Variants in CLEC16A observed in about 807,000 individuals in gnomAD.
CLEC16A encodes protein CLEC16A.
In CLEC16A, 51 loss-of-function variants were observed where a neutral mutation model predicts 109.5. That is an observed-to-expected ratio of 0.47 (90% CI 0.37 to 0.59). The LOEUF (loss-of-function observed/expected upper bound fraction) is 0.59. CLEC16A is among the 20% of genes least tolerant of loss of function. The pLI is 0.00. For synonymous variants in CLEC16A, 673 were observed against 564.2 expected (o/e 1.19, Z -2.73); for missense variants, 1,339 against 1,394.0 (o/e 0.96, Z 0.63).
chr16:11,044,128 T>A (rs1281418041), intron 16 of CLEC16A, 56 bp downstream of exon 16: 35 of 1,465,828 alleles, frequency 2.4e-5, no homozygotes, highest in Non-Finnish European at 2.9e-5. Context: ...GAAACAGAAG[T>A]GTGGTGTCTG....
chr16:11,016,992 T>C (rs1468676423), intron 11 of CLEC16A, among the ~76,000 whole-genome samples: 2 of 40,502 alleles, frequency 4.9e-5, no homozygotes, highest in Non-Finnish European at 4.5e-5. Context: ...CCCATGTGAA[T>C]ATCGGGGCGG....
At chr16:11,112,579 C>CG (rs923520893) in intron 19 of CLEC16A, among the ~76,000 whole-genome samples, 1 of 151,582 alleles carries the variant, frequency 6.6e-6, no homozygotes, top group African/African-American at 2.4e-5. Context: ...GCAGGAGGAT[C>CG]GCTTGGGTGC....
intron 13 of CLEC16A, chr16:11,036,080 A>C (rs1007167154): frequency 6.5e-6 from 1 of 152,680 alleles, no homozygotes; most frequent in South Asian, 2.1e-4. Flanking sequence ...CATGGACTGC[A>C]TGGCACTAGC....
At chr16:10,966,759 A>G (rs1190560661) in intron 3 of CLEC16A, among the ~76,000 whole-genome samples, 1 of 152,174 alleles carries the variant, frequency 6.6e-6, no homozygotes, top group African/African-American at 2.4e-5. Flanking sequence ...GTGAGAACTC[A>G]CTATCACGAG....
chr16:10,976,597 T>TG (rs1182025852), intron 7 of CLEC16A, among the ~76,000 whole-genome samples: 2 of 152,226 alleles, frequency 1.3e-5, no homozygotes, highest in African/African-American at 2.4e-5. Flanking sequence ...ACAAACAAAA[T>TG]GCCTAGCTAG....
At chr16:10,967,867 T>G (rs1201388762) in intron 3 of CLEC16A, among the ~76,000 whole-genome samples, 2 of 152,140 alleles carry the variant, frequency 1.3e-5, no homozygotes, top group African/African-American at 4.8e-5. Context: ...TCCCAAACAC[T>G]AGCACGCATG....
intron 2 of CLEC16A, among the ~76,000 whole-genome samples, chr16:10,958,572 G>A (rs905328736): frequency 6.6e-6 from 1 of 152,118 alleles, no homozygotes. Context: ...ATAAATGATA[G>A]CAAATGATAA....
intron 23 of CLEC16A, among the ~76,000 whole-genome samples, chr16:11,167,949 T>C (rs765696681): frequency 6.6e-6 from 1 of 152,086 alleles, no homozygotes; most frequent in African/African-American, 2.4e-5. Flanking sequence ...GCATGCAGGG[T>C]TGTGTGTTCA....
At chr16:11,067,910 T>C (rs1829905873) in intron 19 of CLEC16A, among the ~76,000 whole-genome samples, 5 of 152,322 alleles carry the variant, frequency 3.3e-5, no homozygotes, top group Admixed American at 6.5e-5. Flanking sequence ...ATCCGGCGTG[T>C]TCTCCAAACC....
At chr16:11,009,398 AC>A (rs1434449433) in intron 11 of CLEC16A, among the ~76,000 whole-genome samples, 1 of 152,178 alleles carries the variant, frequency 6.6e-6, no homozygotes, top group African/African-American at 2.4e-5. Context: ...GCCGCTATAA[AC>A]ATGGGTATAC....
At chr16:11,011,168 C>T (rs1354112122) in intron 11 of CLEC16A, among the ~76,000 whole-genome samples, 1 of 152,234 alleles carries the variant, frequency 6.6e-6, no homozygotes, top group Non-Finnish European at 1.5e-5. Context: ...TATTCAGCCC[C>T]TTGTTAAAAT....
rs2068670000 is a variant in CLEC16A at position 11,174,605 on chromosome 16, A to G, written c.2807-3730A>G. On this transcript the variant is annotated intron_variant, in intron 23 of 23. Transcript: ENST00000409790. This position sits in a 1 kb window ranked among gnomAD's most constrained non-coding sequence, Gnocchi z 4.7. ...ACCAGTGTCAGGCTCGGCCCGGGCC[A>G]GAAGCAGATGCTCCTGCCAAGTCCC... Among the ~76,000 whole-genome samples, 1 of 152,256 alleles carries G rather than the reference A, an allele frequency of 6.6e-6. No individual in the cohort carries two copies. Among genetic ancestry groups the G allele is most frequent in the African/African-American group, 2.4e-5 (1 of 41,466 alleles).
chr16:10,991,609 C>A (rs1438229373), intron 10 of CLEC16A, among the ~76,000 whole-genome samples: 1 of 152,102 alleles, frequency 6.6e-6, no homozygotes. Context: ...TCAGGAGTTG[C>A]TGTGGAAGGA....
At chr16:11,077,642 A>G (rs940457798) in intron 19 of CLEC16A, among the ~76,000 whole-genome samples, 9 of 152,054 alleles carry the variant, frequency 5.9e-5, no homozygotes, top group Admixed American at 5.9e-4. Flanking sequence ...CTAGGGGACA[A>G]CGTGAGACCC....
chr16:10,944,604 T>TCCTCCACCG lies in CLEC16A; in HGVS notation c.-108_-100dup. On this transcript the variant is annotated 5_prime_UTR_variant, in exon 1 of 24. Transcript: ENST00000409790. ...GCCGGGGAGGAAGGCGGCTCGCGGT[T>TCCTCCACCG]CCTCCACCGCCTCCGCCGCCGCATC... The TCCTCCACCG allele has an allele frequency of 9.7e-7, 1 of 1,026,946 alleles. No individual in the cohort carries two copies. The highest frequency in any genetic ancestry group is 2.2e-5 in the Admixed American group (1 of 44,534). 63.6% of individuals were successfully genotyped at this position (1,026,946 alleles called of 1,614,324 possible). A position where few individuals can be genotyped will look rare whatever the true frequency, so the allele number is the denominator to read the frequency against.
At chr16:10,956,197 C>A (rs992622645) in intron 1 of CLEC16A, among the ~76,000 whole-genome samples, 2 of 152,222 alleles carry the variant, frequency 1.3e-5, no homozygotes, top group African/African-American at 4.8e-5. Context: ...CTTCTAATTA[C>A]TGCATATTAA....
intron 10 of CLEC16A, among the ~76,000 whole-genome samples, chr16:10,989,388 CTT>C (rs35334655): frequency 3.0e-4 from 46 of 151,926 alleles, no homozygotes; most frequent in African/African-American, 9.9e-4. Context: ...GCCCAGATAA[CTT>C]TTGTTTTTTT....
intron 19 of CLEC16A, among the ~76,000 whole-genome samples, chr16:11,068,888 C>T (rs904542288): frequency 1.3e-5 from 2 of 152,136 alleles, no homozygotes; most frequent in African/African-American, 2.4e-5. Context: ...AATCTCGGCT[C>T]GCTGCAAGCT....
intron 13 of CLEC16A, among the ~76,000 whole-genome samples, chr16:11,033,364 T>G (rs1478306106): frequency 6.6e-6 from 1 of 152,138 alleles, no homozygotes; most frequent in East Asian, 1.9e-4. Context: ...TGACCAATAG[T>G]GCCATTTCCA....
Sources: allele counts gnomAD v4.1 joint callset (sites outside exome capture counted in the v4.1 genomes callset), GRCh38; gene constraint gnomAD v4.1.1; non-coding constraint Gnocchi (gnomAD v3.1); transcripts MANE v1.5; gene names NCBI Gene and HGNC (gene_info 2026-07-23, HGNC 2026-07-21).